LOC400499: variants seen among roughly 807,000 people sequenced by gnomAD.
the LOC400499 span, among the ~76,000 whole-genome samples, chr16:11,418,869 T>C: frequency 1.6e-3 from 247 of 152,314 alleles, 1 homozygote; most frequent in Middle Eastern, 6.8e-3. Context: ...ATTGTCTTAG[T>C]AAAACCTTCA....
the LOC400499 span, among the ~76,000 whole-genome samples, chr16:11,431,771 T>A: frequency 6.6e-6 from 1 of 152,176 alleles, no homozygotes; most frequent in East Asian, 1.9e-4. Flanking sequence ...TGTTTGCACC[T>A]ATGGCCAGCT....
At chr16:11,447,973 T>C in the LOC400499 span, 1 of 1,536,024 alleles carries the variant, frequency 6.5e-7, no homozygotes, top group Non-Finnish European at 8.7e-7. Flanking sequence ...CAATGTCCTG[T>C]CTTGCCTCAG....
chr16:11,406,636 T>A, the LOC400499 span, among the ~76,000 whole-genome samples: 1 of 152,236 alleles, frequency 6.6e-6, no homozygotes, highest in South Asian at 2.1e-4. Context: ...TTCCCCATGT[T>A]GGCCGTGCTG....
chr16:11,395,402 A>ATGGGT, the LOC400499 span, among the ~76,000 whole-genome samples: 3 of 152,196 alleles, frequency 2.0e-5, no homozygotes, highest in Admixed American at 2.0e-4. Context: ...AGCATCCGCC[A>ATGGGT]TGGGTTCACT....
chr16:11,383,926 A>AAGAAGGCCC, the LOC400499 span: 2 of 1,231,886 alleles, frequency 1.6e-6, no homozygotes, highest in Non-Finnish European at 2.0e-6. Flanking sequence ...GGGGCCCTCG[A>AAGAAGGCCC]AGAAGGCCCA....
chr16:11,385,522 G>A, the LOC400499 span: 1 of 769,230 alleles, frequency 1.3e-6, no homozygotes, highest in African/African-American at 1.8e-5. Context: ...CTTTGGCTTA[G>A]CCTGCCCTGA....
chr16:11,500,830 T>C, the LOC400499 span: 4 of 398,840 alleles, frequency 1.0e-5, no homozygotes, highest in Admixed American at 4.4e-5. Flanking sequence ...ATAGCATCTG[T>C]GGGCTGTGGG....
chr16:11,457,591 C>CA, the LOC400499 span, among the ~76,000 whole-genome samples: 4,338 of 96,904 alleles, frequency 0.045, 260 homozygotes, highest in East Asian at 0.32. Context: ...GACTCCATCT[C>CA]AAAAAAAAAA....
At chr16:11,512,950 G>A in the LOC400499 span, among the ~76,000 whole-genome samples, 2 of 152,160 alleles carry the variant, frequency 1.3e-5, no homozygotes, top group Admixed American at 1.3e-4. Flanking sequence ...CTCCCCCAGG[G>A]GGTGCCGGGA....
chr16:11,513,147 T>G, the LOC400499 span, among the ~76,000 whole-genome samples: 1 of 152,156 alleles, frequency 6.6e-6, no homozygotes, highest in African/African-American at 2.4e-5. Flanking sequence ...TGTAATCCTG[T>G]AATCCCAGCA....
the LOC400499 span, among the ~76,000 whole-genome samples, chr16:11,378,251 C>CT: frequency 0.039 from 2,572 of 65,154 alleles, 77 homozygotes; most frequent in Middle Eastern, 0.091. Flanking sequence ...CTTTTTTTTT[C>CT]TTTTTTTTTT....
chr16:11,526,536 T>C, the LOC400499 span, among the ~76,000 whole-genome samples: 3 of 152,242 alleles, frequency 2.0e-5, no homozygotes, highest in East Asian at 1.9e-4. Context: ...AATTGAAATA[T>C]GTCGTAAGTA....
At chr16:11,384,189 G>C in the LOC400499 span, 1 of 1,221,964 alleles carries the variant, frequency 8.2e-7, no homozygotes, top group Non-Finnish European at 1.0e-6. Context: ...TCAGCTGGAA[G>C]CAGGACAGGC....
the LOC400499 span, among the ~76,000 whole-genome samples, chr16:11,516,459 G>C: frequency 6.6e-6 from 1 of 152,170 alleles, no homozygotes; most frequent in Non-Finnish European, 1.5e-5. Flanking sequence ...GATAGCCTTT[G>C]TTCCCTCTGC....
chr16:11,491,557 T>G, the LOC400499 span: 1 of 389,250 alleles, frequency 2.6e-6, no homozygotes, highest in Non-Finnish European at 4.5e-6. Flanking sequence ...GACAGTGTGG[T>G]AGAGAAACAG....
chr16:11,499,456 G>C, the LOC400499 span, among the ~76,000 whole-genome samples: 1 of 152,050 alleles, frequency 6.6e-6, no homozygotes, highest in East Asian at 1.9e-4. Context: ...CCACCTGCTA[G>C]GCTGTGAACT....
At chr16:11,426,873 G>C in the LOC400499 span, among the ~76,000 whole-genome samples, 49 of 141,692 alleles carry the variant, frequency 3.5e-4, no homozygotes, top group African/African-American at 1.0e-3. Flanking sequence ...CTTCAGTCTG[G>C]GCGACAGAAC....
At chr16:11,460,500 G>C in the LOC400499 span, 233 of 1,532,382 alleles carry the variant, frequency 1.5e-4, 2 homozygotes, top group East Asian at 5.6e-3. Flanking sequence ...GCTAGGATCT[G>C]TGTGCAGTGG....
At chr16:11,477,852 C>T in the LOC400499 span, 1 of 398,910 alleles carries the variant, frequency 2.5e-6, no homozygotes, top group South Asian at 1.3e-4. Flanking sequence ...ACAGAGAAAT[C>T]CGAGCGCTGC....
Sources: allele counts gnomAD v4.1 joint callset (sites outside exome capture counted in the v4.1 genomes callset), GRCh38; gene constraint gnomAD v4.1.1; transcripts MANE v1.5.